The following MARCHF1 variants were observed in gnomAD, a reference collection of about 807,000 sequenced individuals.
MARCHF1 encodes the protein E3 ubiquitin-protein ligase MARCHF1.
MARCHF1 carries 40 observed loss-of-function variants against 54.2 expected under a neutral mutation model. The ratio of observed to expected loss-of-function variants is 0.74; its 90% confidence interval spans 0.57 to 0.96. The LOEUF (loss-of-function observed/expected upper bound fraction) is 0.96, where lower values mean the gene tolerates loss of function less well. Among genes scored for constraint, MARCHF1 ranks in the 40% least tolerant of loss-of-function variants. MARCHF1 has a pLI of 0.00. For missense variants in MARCHF1, 586 were observed against 656.5 expected (o/e 0.89, Z 1.17); for synonymous variants, 236 against 236.3 (o/e 1.00, Z 0.01).
At chr4:163,681,456 T>C (rs780281939) in intron 5 of MARCHF1, among the ~76,000 whole-genome samples, 5 of 152,144 alleles carry the variant, frequency 3.3e-5, no homozygotes, top group Non-Finnish European at 5.9e-5. Context: ...TATGTTCCCC[T>C]CAAATCTCAT....
chr4:163,556,304 G>A (rs1477388920), intron 8 of MARCHF1, among the ~76,000 whole-genome samples: 2 of 152,132 alleles, frequency 1.3e-5, no homozygotes, highest in Admixed American at 6.5e-5. Flanking sequence ...TTTCATAAGT[G>A]CTTCTATCCC....
chr4:163,895,438 AT>A (rs1324341340), intron 3 of MARCHF1, among the ~76,000 whole-genome samples: 2 of 152,178 alleles, frequency 1.3e-5, no homozygotes, highest in Non-Finnish European at 2.9e-5. Context: ...TAAGCACCAT[AT>A]TTGTTATGGG....
At chr4:163,923,480 T>A (rs1579395184) in intron 3 of MARCHF1, among the ~76,000 whole-genome samples, 1 of 152,076 alleles carries the variant, frequency 6.6e-6, no homozygotes, top group Admixed American at 6.6e-5. Flanking sequence ...TCTTTTAAGA[T>A]TTCTTATGAA....
At chr4:163,882,672 T>G (rs1750442974) in intron 3 of MARCHF1, among the ~76,000 whole-genome samples, 1 of 152,162 alleles carries the variant, frequency 6.6e-6, no homozygotes, top group African/African-American at 2.4e-5. Flanking sequence ...CACATTAAAA[T>G]TTTAACAAAT....
chr4:164,328,983 A>C (rs1039443846), intron 1 of MARCHF1, among the ~76,000 whole-genome samples: 2 of 152,190 alleles, frequency 1.3e-5, no homozygotes, highest in Non-Finnish European at 2.9e-5. Context: ...GAGAACCACT[A>C]ATATATTCCA....
At chr4:163,742,108 A>AT (rs907697449) in intron 4 of MARCHF1, among the ~76,000 whole-genome samples, 140 of 151,874 alleles carry the variant, frequency 9.2e-4, no homozygotes, top group African/African-American at 3.3e-3. Flanking sequence ...TGTGTCTGCA[A>AT]TTTTTTTTAT....
chr4:163,801,779 A>C (rs1748089699), intron 4 of MARCHF1, among the ~76,000 whole-genome samples: 1 of 152,052 alleles, frequency 6.6e-6, no homozygotes, highest in Non-Finnish European at 1.5e-5. Context: ...AACAATAAAC[A>C]CACTTTGTGT....
chr4:164,131,726 CTAAG>C (rs1423448065), intron 1 of MARCHF1, among the ~76,000 whole-genome samples: 2 of 152,050 alleles, frequency 1.3e-5, no homozygotes, highest in Admixed American at 1.3e-4. Context: ...GCCTGCTACT[CTAAG>C]TAACTTATGG....
intron 2 of MARCHF1, among the ~76,000 whole-genome samples, chr4:164,018,079 A>G (rs952416312): frequency 6.6e-6 from 1 of 151,970 alleles, no homozygotes; most frequent in Admixed American, 6.6e-5. Flanking sequence ...AAACCAAATG[A>G]TCTGGTAATA....
intron 4 of MARCHF1, among the ~76,000 whole-genome samples, chr4:163,821,054 G>T (rs894571026): frequency 2.0e-4 from 31 of 151,910 alleles, no homozygotes; most frequent in Non-Finnish European, 1.6e-4. Flanking sequence ...ACTTCAGCTC[G>T]CACTGCACTT....
At chr4:164,286,831 G>C (rs1365127016) in intron 1 of MARCHF1, among the ~76,000 whole-genome samples, 3 of 149,984 alleles carry the variant, frequency 2.0e-5, no homozygotes, top group African/African-American at 7.3e-5. Context: ...TTTAAACTAA[G>C]GCTACTGTGG....
At chr4:164,085,719 T>C (rs1034920190) in intron 2 of MARCHF1, among the ~76,000 whole-genome samples, 1 of 151,838 alleles carries the variant, frequency 6.6e-6, no homozygotes, top group African/African-American at 2.4e-5. Flanking sequence ...AAGAGAAGTC[T>C]CAAGGGCAAA....
chr4:164,125,194 T>G (rs1756153233), intron 1 of MARCHF1, among the ~76,000 whole-genome samples: 1 of 152,160 alleles, frequency 6.6e-6, no homozygotes, highest in South Asian at 2.1e-4. Context: ...TATCAGGAAA[T>G]TGACTACAAA....
At chr4:163,897,921 C>A (rs1315259786) in intron 3 of MARCHF1, among the ~76,000 whole-genome samples, 1 of 151,540 alleles carries the variant, frequency 6.6e-6, no homozygotes, top group Non-Finnish European at 1.5e-5. Context: ...ATTAGCCAGG[C>A]ATGGTGGCGG....
intron 3 of MARCHF1, among the ~76,000 whole-genome samples, chr4:163,960,993 A>G (rs1306584557): frequency 1.3e-5 from 2 of 151,872 alleles, no homozygotes; most frequent in Admixed American, 6.6e-5. Context: ...CTCTGTGTGC[A>G]TGTGGAGAGT....
At chr4:164,204,909 G>T (rs1304990853) in intron 1 of MARCHF1, among the ~76,000 whole-genome samples, 1 of 152,072 alleles carries the variant, frequency 6.6e-6, no homozygotes, top group Non-Finnish European at 1.5e-5. Context: ...TGCCATTTCA[G>T]CATTTTGATG....
chr4:163,773,662 A>G (rs1747221939), intron 4 of MARCHF1, among the ~76,000 whole-genome samples: 1 of 152,194 alleles, frequency 6.6e-6, no homozygotes, highest in Non-Finnish European at 1.5e-5. Flanking sequence ...GACAAAAGCA[A>G]TGGGTGACAC....
chr4:164,233,125 A>G (rs1461540057), intron 1 of MARCHF1, among the ~76,000 whole-genome samples: 6 of 152,178 alleles, frequency 3.9e-5, no homozygotes, highest in Admixed American at 3.9e-4. Flanking sequence ...AGGATTTGGT[A>G]ATTAATAGTA....
Position 164,379,029 on chromosome 4 carries a change from T to C in MARCHF1, c.-323+4841A>G, listed in dbSNP as rs1731284081. ...CACCTGGCTGAGTCTTTATAATTTT[T>C]ATATACAATAACTAAAATTAAGAGT... On this transcript the variant is annotated intron_variant, in intron 1 of 9. Transcript: ENST00000514618. Among the ~76,000 whole-genome samples, 7 of 152,162 alleles carry C rather than the reference T, an allele frequency of 4.6e-5. No homozygotes were observed. The East Asian group carries it at 1.3e-3, about 29-fold the overall frequency.
Sources: allele counts gnomAD v4.1 joint callset (sites outside exome capture counted in the v4.1 genomes callset), GRCh38; gene constraint gnomAD v4.1.1; transcripts MANE v1.5; gene names NCBI Gene and HGNC (gene_info 2026-07-23, HGNC 2026-07-21).